Variants in LARP4 observed in about 807,000 individuals in gnomAD.
LARP4 encodes La ribonucleoprotein 4.
In LARP4, 29 loss-of-function variants were observed where a neutral mutation model predicts 92.9. The ratio of observed to expected loss-of-function variants is 0.31; its 90% CI spans 0.23 to 0.43. LARP4 has a LOEUF of 0.43. Ranked by LOEUF, LARP4 falls within the 20% of genes least tolerant of loss-of-function variation. The pLI is 1.00. For missense variants in LARP4, 732 were observed against 860.0 expected (o/e 0.85, Z 1.86); for synonymous variants, 279 against 284.1 (o/e 0.98, Z 0.18).
At chr12:50,440,238 A>C (rs1349830813) in intron 6 of LARP4, among the ~76,000 whole-genome samples, 1 of 152,158 alleles carries the variant, frequency 6.6e-6, no homozygotes, top group African/African-American at 2.4e-5. Context: ...GGAGTTTGAG[A>C]CCAGACTCAA....
intron 1 of LARP4, among the ~76,000 whole-genome samples, chr12:50,408,349 C>A (rs1043860291): frequency 6.6e-6 from 1 of 151,850 alleles, no homozygotes; most frequent in African/African-American, 2.4e-5. Flanking sequence ...CAAGCATGCA[C>A]CACCATGCTG....
intron 1 of LARP4, among the ~76,000 whole-genome samples, chr12:50,410,699 C>T (rs991776030): frequency 7.2e-5 from 11 of 152,054 alleles, no homozygotes; most frequent in Admixed American, 3.3e-4. Context: ...CCACGGTACC[C>T]GGCCTAGAAT....
chr12:50,425,355 C>T (rs1476442642), intron 1 of LARP4, among the ~76,000 whole-genome samples: 2 of 152,120 alleles, frequency 1.3e-5, no homozygotes, highest in African/African-American at 4.8e-5. Flanking sequence ...ATCTCTGTTT[C>T]TGAGAGCTGT....
chr12:50,402,243 A>G (rs1389330803), intron 1 of LARP4, among the ~76,000 whole-genome samples: 1 of 151,806 alleles, frequency 6.6e-6, no homozygotes. Flanking sequence ...GATAAGCTTG[A>G]TATCTTTAAA....
intron 1 of LARP4, among the ~76,000 whole-genome samples, chr12:50,426,285 G>A (rs372090083): frequency 3.3e-5 from 5 of 152,162 alleles, no homozygotes; most frequent in African/African-American, 9.7e-5. Flanking sequence ...TTAGTTGTAC[G>A]TCTTATTATG....
In LARP4 at chr12:50,435,636, T is replaced by C; in HGVS notation, c.535+12T>C. 1 of 1,550,556 alleles carries C rather than the reference T, an allele frequency of 6.4e-7. No individual in the cohort carries two copies. The stretch of plus-strand genomic sequence containing the variant: ...TGAAGTGTTAAGATGTATGTAAAAA[T>C]ACCTTTTAGCTTTTTTTTTAATTTT... On this transcript the variant is annotated intron_variant, in intron 5 of 15. Transcript: ENST00000398473.
At chr12:50,473,609 T>G in intron 14 of LARP4, 73 bp downstream of exon 14, 3 of 1,503,758 alleles carry the variant, frequency 2.0e-6, no homozygotes, top group Non-Finnish European at 2.7e-6. Flanking sequence ...CTCTCACCTG[T>G]AATCCCAGCA....
Position 50,479,799 on chromosome 12 carries a change from CAG to C in LARP4, c.*3938_*3939del, listed in dbSNP as rs1957768207. On this transcript the variant is annotated 3_prime_UTR_variant, in exon 16 of 16. Transcript: ENST00000398473. ...TCTCTTAAATGTTGGGGGTGGGGGT[CAG>C]AGCCAGTTATCCGGCTTCTGTTTTG... 6.6e-6 allele frequency: 1 copy of C among 152,054 alleles called. No homozygotes were observed. 9.4% of individuals were successfully genotyped at this position (152,054 alleles called of 1,614,324 possible). A position where few individuals can be genotyped will look rare whatever the true frequency, so the allele number is the denominator to read the frequency against.
chr12:50,458,665 A>T (rs1170771000), intron 10 of LARP4, among the ~76,000 whole-genome samples: 1 of 152,208 alleles, frequency 6.6e-6, no homozygotes, highest in Non-Finnish European at 1.5e-5. Flanking sequence ...GCCAAACATA[A>T]ATCTCACTCT....
At chr12:50,422,701 A>G (rs1345462907) in intron 1 of LARP4, among the ~76,000 whole-genome samples, 2 of 151,410 alleles carry the variant, frequency 1.3e-5, no homozygotes, top group Non-Finnish European at 2.9e-5. Flanking sequence ...TAATGCTAAT[A>G]TATGTAGAAA....
chr12:50,405,202 T>C (rs1944587529), intron 1 of LARP4, among the ~76,000 whole-genome samples: 1 of 152,062 alleles, frequency 6.6e-6, no homozygotes, highest in Non-Finnish European at 1.5e-5. Context: ...CCTGGCAGAT[T>C]TTTTTTCCAC....
chr12:50,468,451 G>C (rs6580754), intron 13 of LARP4, among the ~76,000 whole-genome samples: 2 of 151,264 alleles, frequency 1.3e-5, no homozygotes. Context: ...CTGCCACTAC[G>C]CCCGGCTAAT....
At chr12:50,403,324 GA>G (rs1944216025) in intron 1 of LARP4, among the ~76,000 whole-genome samples, 1 of 152,168 alleles carries the variant, frequency 6.6e-6, no homozygotes, top group South Asian at 2.1e-4. Context: ...GAAAAGAAGT[GA>G]AAATTCTTTA....
chr12:50,445,864 G>A (rs1372911355), intron 8 of LARP4, among the ~76,000 whole-genome samples: 1 of 152,112 alleles, frequency 6.6e-6, no homozygotes, highest in East Asian at 1.9e-4. Context: ...TGTAAGAGCT[G>A]TATTAAAACT....
intron 1 of LARP4, among the ~76,000 whole-genome samples, chr12:50,414,679 G>C (rs1434611029): frequency 2.0e-5 from 3 of 152,178 alleles, no homozygotes; most frequent in Admixed American, 6.5e-5. Flanking sequence ...TTGTTTTGCA[G>C]CGTTACTTTT....
At chr12:50,448,251 C>G (rs192528478) in intron 8 of LARP4, among the ~76,000 whole-genome samples, 1 of 152,092 alleles carries the variant, frequency 6.6e-6, no homozygotes, top group East Asian at 1.9e-4. Context: ...TATCTTTTTC[C>G]CCCCATCTTA....
chr12:50,402,664 A>G (rs1166082747), intron 1 of LARP4: 1 of 392,196 alleles, frequency 2.5e-6, no homozygotes, highest in Admixed American at 3.2e-5. Context: ...GATACTTAAT[A>G]TGTTTTACAG....
chr12:50,436,501 A>G (rs1461907982), intron 5 of LARP4, among the ~76,000 whole-genome samples: 1 of 152,208 alleles, frequency 6.6e-6, no homozygotes, highest in African/African-American at 2.4e-5. Context: ...TGACAGTTCA[A>G]TATACACCAT....
At chr12:50,424,110 G>A (rs1231094460) in intron 1 of LARP4, among the ~76,000 whole-genome samples, 1 of 152,158 alleles carries the variant, frequency 6.6e-6, no homozygotes, top group Non-Finnish European at 1.5e-5. Flanking sequence ...GCTCATGCCT[G>A]TAATCCTAGT....
Sources: gnomAD v4.1 joint callset for allele counts (sites outside exome capture counted in the v4.1 genomes callset) on GRCh38, gnomAD v4.1.1 for gene constraint, MANE v1.5 for transcripts, NCBI Gene and HGNC (gene_info 2026-07-23, HGNC 2026-07-21) for gene names.